The following SRRM4 variants were observed in gnomAD, a reference collection of about 807,000 sequenced individuals.
SRRM4 encodes the protein serine/arginine repetitive matrix 4.
Under a neutral mutation model 68.9 loss-of-function variants are expected in SRRM4, and 33 were observed. That is an observed-to-expected ratio of 0.48 (90% CI 0.36 to 0.64). SRRM4 has a LOEUF of 0.64. Ranked by LOEUF, SRRM4 falls within the 30% of genes least tolerant of loss-of-function variation. The probability of loss-of-function intolerance (pLI) is 0.00; values close to 1 mark genes in which losing one functional copy is unlikely to be tolerated. For missense variants in SRRM4, 817 were observed against 827.1 expected, an observed-to-expected ratio of 0.99 and a Z score of 0.15; for synonymous variants, 318 against 318.8, an observed-to-expected ratio of 1.00 and a Z score of 0.03.
intron 1 of SRRM4, among the ~76,000 whole-genome samples, chr12:118,986,352 T>C (rs993740251): frequency 6.6e-6 from 1 of 152,110 alleles, no homozygotes; most frequent in Non-Finnish European, 1.5e-5. Flanking sequence ...CCTTTCTCCT[T>C]TTGAAAGGTG....
intron 8 of SRRM4, among the ~76,000 whole-genome samples, chr12:119,134,751 A>G (rs1954318150): frequency 6.6e-6 from 1 of 152,160 alleles, no homozygotes; most frequent in African/African-American, 2.4e-5. Flanking sequence ...GTTATCGAAT[A>G]TTGTGAATGT....
chr12:119,088,693 G>A (rs779169972), intron 1 of SRRM4, among the ~76,000 whole-genome samples: 6 of 151,520 alleles, frequency 4.0e-5, no homozygotes, highest in East Asian at 3.9e-4. Flanking sequence ...GTAATAAGTG[G>A]GGGGCCACAA....
intron 1 of SRRM4, among the ~76,000 whole-genome samples, chr12:119,034,168 A>G (rs1415899910): frequency 1.3e-5 from 2 of 152,222 alleles, no homozygotes; most frequent in African/African-American, 4.8e-5. Flanking sequence ...TGGAGGCCTC[A>G]GCCCACACCA....
chr12:119,069,457 C>T (rs1378128604), intron 1 of SRRM4, among the ~76,000 whole-genome samples: 1 of 152,196 alleles, frequency 6.6e-6, no homozygotes, highest in Non-Finnish European at 1.5e-5. Flanking sequence ...ATCCTAGCAG[C>T]TGGAGGCCAC....
chr12:119,019,208 C>T (rs1421234144), intron 1 of SRRM4, among the ~76,000 whole-genome samples: 1 of 152,174 alleles, frequency 6.6e-6, no homozygotes, highest in Non-Finnish European at 1.5e-5. Context: ...AATTCAAATG[C>T]TCTGGGGGCC....
At chr12:119,100,457 T>A (rs1954071893) in intron 1 of SRRM4, among the ~76,000 whole-genome samples, 1 of 151,362 alleles carries the variant, frequency 6.6e-6, no homozygotes, top group East Asian at 1.9e-4. Flanking sequence ...GTCACTGCAC[T>A]CCATCCTGGA....
intron 8 of SRRM4, among the ~76,000 whole-genome samples, chr12:119,135,317 C>T (rs1450577790): frequency 6.6e-6 from 1 of 152,174 alleles, no homozygotes; most frequent in Non-Finnish European, 1.5e-5. Context: ...AAGTCTGGAG[C>T]TGGGCCAAAG....
chr12:118,985,232 C>T (rs183782281), intron 1 of SRRM4, among the ~76,000 whole-genome samples: 175 of 152,252 alleles, frequency 1.1e-3, no homozygotes, highest in African/African-American at 3.5e-3. Context: ...CCATAATCCT[C>T]GTCTCTGAGA....
intron 2 of SRRM4, among the ~76,000 whole-genome samples, chr12:119,103,947 G>A (rs1954092059): frequency 6.6e-6 from 1 of 152,180 alleles, no homozygotes; most frequent in South Asian, 2.1e-4. Flanking sequence ...AGGTTGCAGT[G>A]AGCCGAGATC....
At chr12:119,053,107 T>G (rs1953755277) in intron 1 of SRRM4, among the ~76,000 whole-genome samples, 1 of 152,202 alleles carries the variant, frequency 6.6e-6, no homozygotes, top group African/African-American at 2.4e-5. Flanking sequence ...TTAACACCTC[T>G]CAACACTTGC....
At position 119,120,250 on chromosome 12, in the gene SRRM4, G is replaced by GT; in HGVS notation, c.439dup (p.Ser147PhefsTer12). 6.5e-7 allele frequency: 1 copy of GT among 1,539,506 alleles called. No individual in the cohort carries two copies. Among genetic ancestry groups the GT allele is most frequent in the Non-Finnish European group, 8.8e-7 (1 of 1,142,038 alleles). On this transcript the variant is annotated frameshift_variant and splice_region_variant, in exon 5 of 13. Transcript: ENST00000267260. LOFTEE classifies it high-confidence loss of function. Reference sequence around the variant, plus strand: ...ATTTTTTTTCTTTCTTTCTTTTCAGGTCATTCTCCAAGAAGAGAAGGCACA... The same window carrying GT: ...ATTTTTTTTCTTTCTTTCTTTTCAGGTTCATTCTCCAAGAAGAGAAGGCACA...
At chr12:119,122,151 C>T (rs779189958) in intron 6 of SRRM4, 31 bp downstream of exon 6, 2 of 1,500,604 alleles carry the variant, frequency 1.3e-6, no homozygotes, top group Non-Finnish European at 1.9e-6. Context: ...ATGTACTCAT[C>T]AGTTTGAGGA....
chr12:119,118,506 C>T (rs150394222), intron 4 of SRRM4, among the ~76,000 whole-genome samples: 32 of 152,350 alleles, frequency 2.1e-4, no homozygotes, highest in Middle Eastern at 3.4e-3. Flanking sequence ...CTGGTTATGT[C>T]AACCACCTGC....
intron 8 of SRRM4, 118 bp from the exon 9 acceptor site, chr12:119,145,263 C>G (rs1341197468): frequency 1.1e-6 from 1 of 879,626 alleles, no homozygotes; most frequent in Non-Finnish European, 1.7e-6. Context: ...TCTTTCTTCT[C>G]CTCTCTCTCT....
At chr12:119,021,020 T>G (rs1044101265) in intron 1 of SRRM4, among the ~76,000 whole-genome samples, 2 of 152,186 alleles carry the variant, frequency 1.3e-5, no homozygotes, top group African/African-American at 4.8e-5. Context: ...TCTGGGTGAC[T>G]TGACCTGTGA....
At chr12:119,103,616 G>C (rs1313509077) in intron 2 of SRRM4, among the ~76,000 whole-genome samples, 1 of 152,194 alleles carries the variant, frequency 6.6e-6, no homozygotes, top group African/African-American at 2.4e-5. Context: ...CTCATGTCTG[G>C]AGAGTTCTCC....
intron 8 of SRRM4, among the ~76,000 whole-genome samples, chr12:119,142,362 C>T (rs1292996443): frequency 6.6e-6 from 1 of 152,164 alleles, no homozygotes; most frequent in Non-Finnish European, 1.5e-5. Flanking sequence ...TCTGACCACA[C>T]AAGTTACATG....
chr12:118,982,669 G>GTTTTTTTTTTTTGT (rs10533651), intron 1 of SRRM4, among the ~76,000 whole-genome samples: 1 of 115,716 alleles, frequency 8.6e-6, no homozygotes, highest in African/African-American at 3.3e-5. Context: ...GTTTTATTTT[G>GTTTTTTTTTTTTGT]TTTTTTTTTG....
chr12:119,046,607 T>C (rs556772135), intron 1 of SRRM4, among the ~76,000 whole-genome samples: 2 of 152,210 alleles, frequency 1.3e-5, no homozygotes, highest in East Asian at 3.9e-4. Context: ...GGACACACAG[T>C]TGGCAGCAAA....
Sources: gnomAD v4.1 joint callset for allele counts (sites outside exome capture counted in the v4.1 genomes callset) on GRCh38, gnomAD v4.1.1 for gene constraint, MANE v1.5 for transcripts, NCBI Gene and HGNC (gene_info 2026-07-23, HGNC 2026-07-21) for gene names.